RAP1GAP: variants seen among roughly 807,000 people sequenced by gnomAD.
RAP1GAP encodes the protein RAP1 GTPase activating protein.
Under a neutral mutation model 87.2 loss-of-function variants are expected in RAP1GAP, and 35 were observed. That is an observed-to-expected ratio of 0.40 (90% confidence interval 0.31 to 0.53). The LOEUF is 0.53. Among genes scored for constraint, RAP1GAP ranks in the 20% least tolerant of loss-of-function variants. The pLI is 0.48. For synonymous variants in RAP1GAP, 375 were observed against 363.9 expected, an observed-to-expected ratio of 1.03 and a Z score of -0.35; for missense variants, 734 against 898.9, an observed-to-expected ratio of 0.82 and a Z score of 2.35.
intron 1 of RAP1GAP, among the ~76,000 whole-genome samples, chr1:21,652,705 T>C (rs774403965): frequency 6.6e-6 from 1 of 152,174 alleles, no homozygotes; most frequent in Non-Finnish European, 1.5e-5. Context: ...GTCGCTCTTC[T>C]GCACCCAGCT....
intron 2 of RAP1GAP, among the ~76,000 whole-genome samples, chr1:21,636,784 GCAA>G (rs993731229): frequency 5.8e-4 from 88 of 151,586 alleles, no homozygotes; most frequent in African/African-American, 2.1e-3. Context: ...TCCAGCCTGG[GCAA>G]CAAGAGCAAA....
intron 19 of RAP1GAP, among the ~76,000 whole-genome samples, 172 bp downstream of exon 19, chr1:21,602,632 C>T (rs1391478674): frequency 2.6e-5 from 4 of 152,296 alleles, no homozygotes; most frequent in East Asian, 3.9e-4. Context: ...CGTTAGGTGA[C>T]GTGCTGGCCC....
intron 19 of RAP1GAP, among the ~76,000 whole-genome samples, chr1:21,602,482 C>G (rs946073370): frequency 6.6e-6 from 1 of 152,226 alleles, no homozygotes; most frequent in Admixed American, 6.5e-5. Flanking sequence ...CTCCCACATG[C>G]GCTGGGGCCG....
chr1:21,627,010 CCTGCCTGAGTCTAAGCCCGGACT>C (rs2092399111), intron 2 of RAP1GAP: 2 of 456,700 alleles, frequency 4.4e-6, no homozygotes, highest in East Asian at 1.4e-4. Flanking sequence ...CTGCATGAGA[CCTGCCTGAGTCTAAGCCCGGACT>C]CTCTGCCCAC....
Position 21,597,742 on chromosome 1 carries a change from G to A in RAP1GAP, c.1984-14C>T. The A allele has an allele frequency of 6.2e-7, 1 of 1,613,588 alleles. No homozygotes were observed. Among genetic ancestry groups the A allele is most frequent in the Non-Finnish European group, 8.5e-7 (1 of 1,179,614 alleles). On this transcript the variant is annotated splice_polypyrimidine_tract_variant and intron_variant, in intron 23 of 24. Coordinates refer to ENST00000374765, the MANE Select transcript of RAP1GAP (RefSeq NM_002885.4). ...CGGCTAACAGCCCTGCAGACAGACAGTGGTGGTGAGGCAGGTGGCAAGACG... is the reference window on the plus strand; with the variant it reads ...CGGCTAACAGCCCTGCAGACAGACAATGGTGGTGAGGCAGGTGGCAAGACG...
At position 21,601,362 on chromosome 1, in the gene RAP1GAP, TC is replaced by T. The variant is rs144512561; in HGVS notation, c.1652+321del. Among the ~76,000 whole-genome samples the T allele has an allele frequency of 9.4e-3, 1,432 of 152,020 alleles. 28 individuals are homozygous for T. Among genetic ancestry groups the T allele is most frequent in the African/African-American group, 0.033 (1,371 of 41,458 alleles). ...CACCTCTGCCCCCAGTCCCTCTTCA[TC>T]CCCCCAACCCTGCTTCGGGTTCCTC... On this transcript the variant is annotated intron_variant, in intron 20 of 24. Transcript: ENST00000374765.
intron 1 of RAP1GAP, among the ~76,000 whole-genome samples, chr1:21,653,716 G>C (rs570169282): frequency 2.0e-5 from 3 of 151,948 alleles, no homozygotes; most frequent in Admixed American, 6.6e-5. Flanking sequence ...GGTGGGAGGC[G>C]GTTGGGGCAG....
Position 21,668,756 on chromosome 1 carries a change from C to G in RAP1GAP, c.-149+498G>C, listed in dbSNP as rs924256316. Among the ~76,000 whole-genome samples, 1 of 152,108 alleles carries G rather than the reference C, an allele frequency of 6.6e-6. No individual in the cohort carries two copies. Among genetic ancestry groups the G allele is most frequent in the Non-Finnish European group, 1.5e-5 (1 of 67,994 alleles). ...CGTCCTGTCTCTGGGGATGCAAGGA[C>G]ATCACCGCCCTCCCCGCTCAGGGTC... On this transcript the variant is annotated intron_variant, in intron 1 of 24. Transcript: ENST00000374765. The surrounding 1 kb of genome is among the most constrained non-coding windows in gnomAD (Gnocchi z 6.2).
At chr1:21,639,894 C>T (rs1429012466) in intron 2 of RAP1GAP, among the ~76,000 whole-genome samples, 5 of 152,150 alleles carry the variant, frequency 3.3e-5, no homozygotes, top group African/African-American at 4.8e-5. Flanking sequence ...CCGGCAGGAG[C>T]GTGAATGGGT....
intron 7 of RAP1GAP, 100 bp downstream of exon 7, chr1:21,617,206 A>T (rs1432942442): frequency 5.1e-6 from 7 of 1,361,318 alleles, no homozygotes; most frequent in Admixed American, 2.2e-5. Context: ...ACTGTCACCC[A>T]GCCCTGGCCC....
At position 21,622,293 on chromosome 1, in the gene RAP1GAP, C is replaced by T. The variant is rs2150016722; in HGVS notation, c.-18-2243G>A. On this transcript the variant is annotated intron_variant, in intron 3 of 24. Coordinates refer to ENST00000374765, the MANE Select transcript of RAP1GAP (RefSeq NM_002885.4). This position sits in a 1 kb window ranked among gnomAD's most constrained non-coding sequence, Gnocchi z 5.7. ...CGGGCTCCCCAGCAGTCGGGGTGAC[C>T]CAGCCCCGGGGTCCCTCCGCCATGC... 1 of 495,248 alleles carries T rather than the reference C, an allele frequency of 2.0e-6. No individual in the cohort carries two copies. 30.7% of individuals were successfully genotyped at this position (495,248 alleles called of 1,614,324 possible). A position where few individuals can be genotyped will look rare whatever the true frequency, so the allele number is the denominator to read the frequency against.
intron 1 of RAP1GAP, chr1:21,653,015 G>A (rs2096682256): frequency 6.6e-6 from 1 of 152,294 alleles, no homozygotes; most frequent in Non-Finnish European, 1.5e-5. Flanking sequence ...AGGGCAGCAG[G>A]GATTCTGCAG....
intron 2 of RAP1GAP, among the ~76,000 whole-genome samples, chr1:21,639,895 G>A (rs998650751): frequency 6.6e-6 from 1 of 152,172 alleles, no homozygotes; most frequent in Non-Finnish European, 1.5e-5. Context: ...CGGCAGGAGC[G>A]TGAATGGGTG....
At chr1:21,612,434 CACTCTA>C (rs1194344829) in intron 10 of RAP1GAP, among the ~76,000 whole-genome samples, 1 of 152,156 alleles carries the variant, frequency 6.6e-6, no homozygotes, top group Non-Finnish European at 1.5e-5. Context: ...ACCCCTACTC[CACTCTA>C]ACTCCCAACT....
intron 1 of RAP1GAP, chr1:21,651,464 G>A (rs1320552172): frequency 5.0e-6 from 3 of 601,746 alleles, no homozygotes; most frequent in Non-Finnish European, 6.5e-6. Flanking sequence ...TAGCCCCGCA[G>A]CCCCAGTCAC....
intron 2 of RAP1GAP, among the ~76,000 whole-genome samples, chr1:21,632,246 G>T (rs9426771): frequency 0.33 from 50,788 of 152,078 alleles, 9,624 homozygotes; most frequent in Non-Finnish European, 0.43. Flanking sequence ...GGATGGGCCC[G>T]GCCGGAAGCC....
At position 21,636,374 on chromosome 1, in the gene RAP1GAP, C is replaced by T. The variant is rs2094663776; in HGVS notation, c.-112-9977G>A. Among the ~76,000 whole-genome samples, 3 of 152,242 alleles carry T rather than the reference C, an allele frequency of 2.0e-5. No individual in the cohort carries two copies. In the South Asian group the frequency reaches 6.2e-4, roughly 31 times the overall value. On this transcript the variant is annotated intron_variant, in intron 2 of 24. Coordinates refer to ENST00000374765, the MANE Select transcript of RAP1GAP (RefSeq NM_002885.4). Reference sequence around the variant, plus strand: ...TCATTGGTGTAAAGTGCTTAACATTCACCATGAGCATTTCTTGGCCTTCCC... The same window carrying T: ...TCATTGGTGTAAAGTGCTTAACATTTACCATGAGCATTTCTTGGCCTTCCC...
intron 18 of RAP1GAP, 96 bp downstream of exon 18, chr1:21,605,970 G>T: frequency 7.1e-7 from 1 of 1,407,998 alleles, no homozygotes; most frequent in Non-Finnish European, 9.6e-7. Flanking sequence ...GGGCAGCAGG[G>T]CAACAGAGAG....
chr1:21,647,700 C>T (rs2151804410), intron 2 of RAP1GAP, among the ~76,000 whole-genome samples: 1 of 152,296 alleles, frequency 6.6e-6, no homozygotes, highest in South Asian at 2.1e-4. Context: ...GACTCAAGTC[C>T]ACACCTGCCA....
Sources: allele counts gnomAD v4.1 joint callset (sites outside exome capture counted in the v4.1 genomes callset), GRCh38; gene constraint gnomAD v4.1.1; non-coding constraint Gnocchi (gnomAD v3.1); transcripts MANE v1.5; gene names NCBI Gene and HGNC (gene_info 2026-07-23, HGNC 2026-07-21).